The following LYPLA2 variants were observed in gnomAD, a reference collection of about 807,000 sequenced individuals.
The protein encoded by LYPLA2 is acyl-protein thioesterase 2.
LYPLA2 carries 7 observed loss-of-function variants against 30.3 expected under a neutral mutation model. That is an observed-to-expected ratio of 0.23 (90% CI 0.13 to 0.43). LYPLA2 has a LOEUF of 0.43. Ranked by LOEUF, LYPLA2 falls within the 20% of genes least tolerant of loss-of-function variation. The pLI, the probability that LYPLA2 is intolerant of heterozygous loss-of-function variation, is 1.00. For missense variants in LYPLA2, 206 were observed against 307.9 expected (o/e 0.67, Z 2.48); for synonymous variants, 112 against 118.2 (o/e 0.95, Z 0.34).
Position 23,794,670 on chromosome 1 carries a change from T to C in LYPLA2, c.646-12T>C. On this transcript the variant is annotated splice_polypyrimidine_tract_variant and intron_variant, in intron 9 of 9. Coordinates refer to ENST00000374514, the MANE Select transcript of LYPLA2 (RefSeq NM_007260.3). The surrounding 1 kb of genome is among the most constrained non-coding windows in gnomAD (Gnocchi z 5.9). ...CCAGGTGCCTCTCGTGATCCCCTCT[T>C]AATCCCCTCAGGAGATGGCAGCTGT... The C allele has an allele frequency of 6.2e-7, 1 of 1,614,174 alleles. No individual in the cohort carries two copies. Among genetic ancestry groups the C allele is most frequent in the Non-Finnish European group, 8.5e-7 (1 of 1,180,012 alleles).
chr1:23,791,815 T>C (rs1638798383), intron 1 of LYPLA2, among the ~76,000 whole-genome samples: 1 of 151,984 alleles, frequency 6.6e-6, no homozygotes, highest in African/African-American at 2.4e-5. Flanking sequence ...TGTGGGGAGC[T>C]GCCCTCAGGG....
Position 23,793,323 on chromosome 1 carries a change from C to G in LYPLA2, c.176+107C>G. 1 of 1,207,082 alleles carries G rather than the reference C, an allele frequency of 8.3e-7. No individual in the cohort carries two copies. The allele number at this position is 1,207,082 out of a possible 1,614,324, so 74.8% of individuals were successfully genotyped here. ...TGTCAGTTGCATCCTGGGGCTTGGG[C>G]TCAGGGCAGTCAGAAGTGGCATTTT... On this transcript the variant is annotated intron_variant, in intron 4 of 9. Transcript: ENST00000374514. This position sits in a 1 kb window ranked among gnomAD's most constrained non-coding sequence, Gnocchi z 6.0.
rs757440115 is a variant in LYPLA2 at position 23,793,103 on chromosome 1, C to T, written c.111-48C>T. ...CTGGCCCAGCAGCGGACTGGAGAGG[C>T]CTTCTCTTCCTACCACATCGGAGCC... On this transcript the variant is annotated intron_variant, in intron 3 of 9. Transcript: ENST00000374514. This position sits in a 1 kb window ranked among gnomAD's most constrained non-coding sequence, Gnocchi z 6.0. 1.9e-6 allele frequency: 3 copies of T among 1,613,126 alleles called. No individual in the cohort carries two copies. The highest frequency in any genetic ancestry group is 2.7e-5 in the African/African-American group (2 of 74,890).
In LYPLA2 at chr1:23,795,318, C is replaced by T. The variant is rs1385923629; in HGVS notation, c.*586C>T. Reference sequence around the variant, plus strand: ...GTTTCCCCACACTGGGGGGCTGGGCCCTGCCTCCCCGTTACCCTCCTTCCC... The same window carrying T: ...GTTTCCCCACACTGGGGGGCTGGGCTCTGCCTCCCCGTTACCCTCCTTCCC... On this transcript the variant is annotated 3_prime_UTR_variant, in exon 10 of 10. Coordinates refer to ENST00000374514, the MANE Select transcript of LYPLA2 (RefSeq NM_007260.3). 4.4e-6 allele frequency: 1 copy of T among 224,944 alleles called. No homozygotes were observed. The highest frequency in any genetic ancestry group is 9.1e-6 in the Non-Finnish European group (1 of 110,452). The allele number at this position is 224,944 out of a possible 1,614,324, so 13.9% of individuals were successfully genotyped here. A position where few individuals can be genotyped will look rare whatever the true frequency, so the allele number is the denominator to read the frequency against.
In LYPLA2 at chr1:23,794,353, C is replaced by A. The variant is rs767568937; in HGVS notation, c.471+28C>A. 20 of 1,601,310 alleles carry A rather than the reference C, an allele frequency of 1.2e-5. No individual in the cohort carries two copies. The highest frequency in any genetic ancestry group is 4.0e-5 in the African/African-American group (3 of 74,656). On this transcript the variant is annotated intron_variant, in intron 8 of 9. Coordinates refer to ENST00000374514, the MANE Select transcript of LYPLA2 (RefSeq NM_007260.3). The surrounding 1 kb of genome is among the most constrained non-coding windows in gnomAD (Gnocchi z 5.9). ...GAATGTCCCCACTGACCCCCCCGCC[C>A]TTTGTGTCTGCATCCTCGTGGCTTG...
chr1:23,794,162 GGGGGTA>G lies in LYPLA2; in HGVS notation c.369+32_369+37del, dbSNP rs763892084. ...GTGAGGGGAGAGGGGTGGGGGGGTA[GGGGGTA>G]GGGGTGGCCGGTGAGTGAGCTGTGC... On this transcript the variant is annotated intron_variant, in intron 7 of 9. Coordinates refer to ENST00000374514, the MANE Select transcript of LYPLA2 (RefSeq NM_007260.3). The surrounding 1 kb of genome is among the most constrained non-coding windows in gnomAD (Gnocchi z 5.9). The G allele has an allele frequency of 9.0e-5, 91 of 1,015,824 alleles. 2 individuals are homozygous for G. The highest frequency in any genetic ancestry group is 1.2e-4 in the Non-Finnish European group (77 of 651,204). 62.9% of individuals were successfully genotyped at this position (1,015,824 alleles called of 1,614,324 possible).
At position 23,794,147 on chromosome 1, in the gene LYPLA2, AGGGGTGGGGGGGTAG is replaced by A; in HGVS notation, c.369+17_369+31del. 6.0e-6 allele frequency: 1 copy of A among 167,920 alleles called. No individual in the cohort carries two copies. Among genetic ancestry groups the A allele is most frequent in the Non-Finnish European group, 1.1e-5 (1 of 91,118 alleles). The allele number at this position is 167,920 out of a possible 1,614,324, so 10.4% of individuals were successfully genotyped here. A position where few individuals can be genotyped will look rare whatever the true frequency, so the allele number is the denominator to read the frequency against. On this transcript the variant is annotated intron_variant, in intron 7 of 9. Transcript: ENST00000374514. This position sits in a 1 kb window ranked among gnomAD's most constrained non-coding sequence, Gnocchi z 5.9. ...GGAGGCTTTTCACAGGTGAGGGGAG[AGGGGTGGGGGGGTAG>A]GGGGTAGGGGTGGCCGGTGAGTGAG...
chr1:23,792,986 C>T lies in LYPLA2; in HGVS notation c.79-22C>T, dbSNP rs371527090. On this transcript the variant is annotated intron_variant, in intron 2 of 9. Transcript: ENST00000374514. ...GACCTAGGGGAAGCCTTCCTGTCTC[C>T]CCATTTCCCATCCTTTTCCAGGTTA... 4 of 1,609,250 alleles carry T rather than the reference C, an allele frequency of 2.5e-6. No homozygotes were observed. In the African/African-American group the frequency reaches 5.3e-5, roughly 22 times the overall value.
At position 23,792,764 on chromosome 1, in the gene LYPLA2, A is replaced by G; in HGVS notation, c.78+4A>G. 1 of 1,611,938 alleles carries G rather than the reference A, an allele frequency of 6.2e-7. No individual in the cohort carries two copies. The highest frequency in any genetic ancestry group is 8.5e-7 in the Non-Finnish European group (1 of 1,179,000). On this transcript the variant is annotated splice_donor_region_variant and intron_variant, in intron 2 of 9. Transcript: ENST00000374514. ...AGCTGAGCGGGAAACGGCCGCGGTA[A>G]GGGTCCCCTTTCACCCACGGCCAGA...
Position 23,793,554 on chromosome 1 carries a change from C to T in LYPLA2, c.177-151C>T, listed in dbSNP as rs1638843042. ...CTTTGCCCCAACCACAGCCTCCAGCCCCACGTGGCAGGTTGCCTGGCAACA... is the reference window on the plus strand; with the variant it reads ...CTTTGCCCCAACCACAGCCTCCAGCTCCACGTGGCAGGTTGCCTGGCAACA... On this transcript the variant is annotated intron_variant, in intron 4 of 9. Transcript: ENST00000374514. The surrounding 1 kb of genome is among the most constrained non-coding windows in gnomAD (Gnocchi z 6.0). 3.8e-6 allele frequency: 3 copies of T among 790,646 alleles called. No homozygotes were observed. Among genetic ancestry groups the T allele is most frequent in the Non-Finnish European group, 6.6e-6 (3 of 457,654 alleles). The allele number at this position is 790,646 out of a possible 1,614,324, so 49.0% of individuals were successfully genotyped here.
rs1388145320 is a variant in LYPLA2, at chr1:23,793,909, A to T, written c.274A>T (p.Ile92Phe). 6.2e-7 allele frequency: 1 copy of T among 1,613,916 alleles called. No homozygotes were observed. The highest frequency in any genetic ancestry group is 1.6e-4 in the Middle Eastern group (1 of 6,062). Residue 92 changes from isoleucine to phenylalanine, a missense_variant, in exon 6 of 10, where the codon ATC (isoleucine) becomes TTC (phenylalanine). Coordinates refer to ENST00000374514, the MANE Select transcript of LYPLA2 (RefSeq NM_007260.3). The surrounding 1 kb of genome is among the most constrained non-coding windows in gnomAD (Gnocchi z 6.0). ...AGATGCCCCAGAGGACGAGGCTGGC[A>T]TCAAGAAGGCAGCAGAGAACAGTAA... The part of the protein sequence containing the change: ...SPDAPEDEAG[I>F]KKAAENIKAL...
Position 23,794,304 on chromosome 1 carries a change from T to C in LYPLA2, c.450T>C (p.Pro150=), listed in dbSNP as rs1233669941. The change falls in exon 8 of 10, where the codon CCT becomes CCC. Residue 150 remains proline (P), a synonymous_variant. Transcript: ENST00000374514. This position sits in a 1 kb window ranked among gnomAD's most constrained non-coding sequence, Gnocchi z 5.9. The stretch of plus-strand genomic sequence containing the variant: ...TCGTGGCGTTGAGCTGCTGGCTGCC[T>C]CTGCACCGGGCCTTCCCCCAGGTGA... ...AGIVALSCWL[P]LHRAFPQAAN... 7 of 1,612,558 alleles carry C rather than the reference T, an allele frequency of 4.3e-6. No individual in the cohort carries two copies. The highest frequency in any genetic ancestry group is 5.9e-6 in the Non-Finnish European group (7 of 1,179,746).
Position 23,792,703 on chromosome 1 carries a change from T to C in LYPLA2, c.21T>C (p.Ser7=), listed in dbSNP as rs1638821142. The C allele has an allele frequency of 2.5e-6, 4 of 1,612,036 alleles. No homozygotes were observed. The East Asian group carries it at 8.9e-5, about 36-fold the overall frequency. The change falls in exon 2 of 10, where the codon TCT becomes TCC. Residue 7 remains serine (S), a synonymous_variant. Transcript: ENST00000374514. ...GGTGTATGTGTGGTAACACCATGTC[T>C]GTGCCCCTGCTCACCGATGCTGCCA... The part of the protein sequence containing the change: MCGNTM[S]VPLLTDAATV...
In LYPLA2 at chr1:23,794,575, G is replaced by A; in HGVS notation, c.620G>A (p.Gly207Asp). 1.9e-6 allele frequency: 3 copies of A among 1,614,128 alleles called. No homozygotes were observed. The highest frequency in any genetic ancestry group is 2.5e-6 in the Non-Finnish European group (3 of 1,179,998). The change falls in exon 9 of 10, where the codon GGT (glycine) becomes GAT (aspartate). Residue 207 changes from glycine (G) to aspartate (D), a missense_variant. Coordinates refer to ENST00000374514, the MANE Select transcript of LYPLA2 (RefSeq NM_007260.3). This position sits in a 1 kb window ranked among gnomAD's most constrained non-coding sequence, Gnocchi z 5.9. Reference sequence around the variant, plus strand: ...AGGGTCCAGTTCAAGACATACCCGGGTGTCATGCACAGCTCCTGTCCTCAG... The same window carrying A: ...AGGGTCCAGTTCAAGACATACCCGGATGTCATGCACAGCTCCTGTCCTCAG... ...PARVQFKTYPGVMHSSCPQEM... is the reference protein window; with the variant it reads ...PARVQFKTYPDVMHSSCPQEM...
rs763636115 is a variant in LYPLA2, at chr1:23,792,640, C to T, written c.-26-17C>T. ...TGTGCCTGGTTTTGCTCTTGACCGC[C>T]GCCCCGATGTATGCAGGCCCCCGCC... On this transcript the variant is annotated splice_polypyrimidine_tract_variant and intron_variant, in intron 1 of 9. Transcript: ENST00000374514. 3.3e-5 allele frequency: 52 copies of T among 1,571,628 alleles called. 1 individual carries two copies. The South Asian group carries it at 5.0e-4, about 15-fold the overall frequency.
At position 23,793,929 on chromosome 1, in the gene LYPLA2, C is replaced by T. The variant is rs199916153; in HGVS notation, c.294C>T (p.Asn98=). ...CTGGCATCAAGAAGGCAGCAGAGAA[C>T]AGTAAGACCCCAGCCCCTCCTCCAC... The part of the protein sequence containing the change: ...DEAGIKKAAE[N]IKALIEHEMK... The change falls in exon 6 of 10, where the codon AAC becomes AAT. Residue 98 remains asparagine (N), a splice_region_variant and synonymous_variant. Coordinates refer to ENST00000374514, the MANE Select transcript of LYPLA2 (RefSeq NM_007260.3). The surrounding 1 kb of genome is among the most constrained non-coding windows in gnomAD (Gnocchi z 6.0). 6.5e-4 allele frequency: 1,048 copies of T among 1,613,658 alleles called. 13 individuals carry two copies. In the South Asian group the frequency reaches 1.0e-2, roughly 15 times the overall value.
Position 23,793,869 on chromosome 1 carries a change from G to A in LYPLA2, c.234G>A (p.Leu78=). The A allele has an allele frequency of 6.2e-7, 1 of 1,613,990 alleles. No individual in the cohort carries two copies. Among genetic ancestry groups the A allele is most frequent in the Non-Finnish European group, 8.5e-7 (1 of 1,179,896 alleles). The change falls in exon 6 of 10, where the codon CTG becomes CTA. Residue 78 remains leucine, a synonymous_variant. Transcript: ENST00000374514. This position sits in a 1 kb window ranked among gnomAD's most constrained non-coding sequence, Gnocchi z 6.0. ...TGCCTCTACTCCCAAGGTTTGACCT[G>A]ATGGGGCTGAGTCCAGATGCCCCAG... ...MKMVMPSWFD[L]MGLSPDAPED... is the part of the protein sequence containing the mutation.
chr1:23,793,372 C>T lies in LYPLA2; in HGVS notation c.176+156C>T, dbSNP rs1388221770. On this transcript the variant is annotated intron_variant, in intron 4 of 9. Transcript: ENST00000374514. This position sits in a 1 kb window ranked among gnomAD's most constrained non-coding sequence, Gnocchi z 6.0. The stretch of plus-strand genomic sequence containing the variant: ...TTCAGCCTGAGCTCCTGTGGAGCCC[C>T]CAGGAGTGGGGTCCAGCACCAGCCC... Among the ~76,000 whole-genome samples, 1 of 152,128 alleles carries T rather than the reference C, an allele frequency of 6.6e-6. No homozygotes were observed.
Position 23,794,590 on chromosome 1 carries a change from C to T in LYPLA2, c.635C>T (p.Ser212Phe), listed in dbSNP as rs772524507. ...ACATACCCGGGTGTCATGCACAGCT[C>T]CTGTCCTCAGGTCAGTGGGGGGACC... is the stretch of plus-strand genomic sequence containing the variant. ...FKTYPGVMHS[S>F]CPQEMAAVKE... Residue 212 changes from serine to phenylalanine, a missense_variant, in exon 9 of 10, where the codon TCC becomes TTC. Coordinates refer to ENST00000374514, the MANE Select transcript of LYPLA2 (RefSeq NM_007260.3). This position sits in a 1 kb window ranked among gnomAD's most constrained non-coding sequence, Gnocchi z 5.9. 1.5e-5 allele frequency: 24 copies of T among 1,614,164 alleles called. No homozygotes were observed. Among genetic ancestry groups the T allele is most frequent in the Non-Finnish European group, 2.0e-5 (24 of 1,180,020 alleles).
Sources: allele counts gnomAD v4.1 joint callset (sites outside exome capture counted in the v4.1 genomes callset), GRCh38; gene constraint gnomAD v4.1.1; non-coding constraint Gnocchi (gnomAD v3.1); transcripts MANE v1.5; gene names NCBI Gene and HGNC (gene_info 2026-07-23, HGNC 2026-07-21).